Variants in CCSER1 observed in about 807,000 individuals in gnomAD.
CCSER1 encodes coiled-coil serine rich protein 1.
CCSER1 carries 41 observed loss-of-function variants against 82.0 expected under a neutral mutation model. The observed-to-expected ratio is 0.50, with a 90% confidence interval of 0.39 to 0.65. CCSER1 has a LOEUF of 0.65. Among genes scored for constraint, CCSER1 ranks in the 30% least tolerant of loss-of-function variants. The pLI is 0.00. For missense variants in CCSER1, 1,119 were observed against 1,064.2 expected, an observed-to-expected ratio of 1.05 and a Z score of -0.72; for synonymous variants, 414 against 383.9, an observed-to-expected ratio of 1.08 and a Z score of -0.92.
intron 4 of CCSER1, among the ~76,000 whole-genome samples, chr4:90,463,272 T>A (rs1763174218): frequency 6.6e-6 from 1 of 152,202 alleles, no homozygotes; most frequent in South Asian, 2.1e-4. Flanking sequence ...TTGAAAAAGA[T>A]AAACTATTAC....
At chr4:90,591,415 C>T (rs572974198) in intron 5 of CCSER1, among the ~76,000 whole-genome samples, 13 of 151,998 alleles carry the variant, frequency 8.6e-5, no homozygotes, top group African/African-American at 3.1e-4. Flanking sequence ...ATTGATGCGG[C>T]CAGCAAACAT....
At chr4:91,337,684 C>G (rs141769565) in intron 10 of CCSER1, among the ~76,000 whole-genome samples, 2 of 152,094 alleles carry the variant, frequency 1.3e-5, no homozygotes, top group Non-Finnish European at 2.9e-5. Context: ...AACATTCTCT[C>G]CTGTTCCCCA....
rs753973015 is a variant in CCSER1, at chr4:91,593,467, C to CTTTTTTTTTTTT, written c.2218-5090_2218-5079dup. Among the ~76,000 whole-genome samples, 21 of 55,044 alleles carry CTTTTTTTTTTTT rather than the reference C, an allele frequency of 3.8e-4. 1 individual carries two copies. The highest frequency in any genetic ancestry group is 6.6e-4 in the African/African-American group (9 of 13,626). The allele number at this position is 55,044 out of a possible 152,430, so 36.1% of individuals were successfully genotyped here. On this transcript the variant is annotated intron_variant, in intron 10 of 10. Coordinates refer to ENST00000509176, the MANE Select transcript of CCSER1 (RefSeq NM_001145065.2). ...TAACTGTCTTGTTTTCAACCCCGTGCTTTTTTTTTTTTTTTTTTTTTTTTT... is the reference window on the plus strand; with the variant it reads ...TAACTGTCTTGTTTTCAACCCCGTGCTTTTTTTTTTTTTTTTTTTTTTTTTTTTTTTTTTTTT...
chr4:90,316,364 G>T (rs114394884), intron 3 of CCSER1, among the ~76,000 whole-genome samples: 1 of 152,158 alleles, frequency 6.6e-6, no homozygotes, highest in Non-Finnish European at 1.5e-5. Context: ...CATCAATTTG[G>T]TGTAATGAAA....
rs116402303 is a variant in CCSER1, at chr4:91,147,350, C to T, written c.2217+61356C>T. On this transcript the variant is annotated intron_variant, in intron 10 of 10. Coordinates refer to ENST00000509176, the MANE Select transcript of CCSER1 (RefSeq NM_001145065.2). Reference sequence around the variant, plus strand: ...CCCCAGGAGCCGGCCCAGCCAGCTACGTTTTTCCACAGACTTCTCTTGCCA... The same window carrying T: ...CCCCAGGAGCCGGCCCAGCCAGCTATGTTTTTCCACAGACTTCTCTTGCCA... Among the ~76,000 whole-genome samples, 331 of 152,326 alleles carry T rather than the reference C, an allele frequency of 2.2e-3. 4 individuals carry two copies. Among genetic ancestry groups the T allele is most frequent in the African/African-American group, 6.8e-3 (283 of 41,586 alleles).
At chr4:91,128,060 T>TCC (rs1727668099) in intron 10 of CCSER1, among the ~76,000 whole-genome samples, 2 of 151,966 alleles carry the variant, frequency 1.3e-5, no homozygotes, top group African/African-American at 4.8e-5. Flanking sequence ...CTGCTGCTGC[T>TCC]CCCCCACATG....
At chr4:91,293,370 A>G (rs1467858298) in intron 10 of CCSER1, among the ~76,000 whole-genome samples, 1 of 152,010 alleles carries the variant, frequency 6.6e-6, no homozygotes, top group Non-Finnish European at 1.5e-5. Flanking sequence ...GTCTTTTGTT[A>G]TTATCAATGT....
chr4:90,977,008 A>G (rs949853333), intron 9 of CCSER1, among the ~76,000 whole-genome samples: 1 of 151,646 alleles, frequency 6.6e-6, no homozygotes, highest in African/African-American at 2.4e-5. Context: ...TAATAAAAAT[A>G]TAAATAGAAA....
intron 10 of CCSER1, among the ~76,000 whole-genome samples, chr4:91,286,766 A>G (rs183188749): frequency 2.6e-5 from 4 of 152,010 alleles, no homozygotes; most frequent in South Asian, 4.1e-4. Context: ...AACCATAAAT[A>G]TGTGTTCTCT....
Position 91,179,882 on chromosome 4 carries a change from C to T in CCSER1, c.2217+93888C>T, listed in dbSNP as rs189948435. Among the ~76,000 whole-genome samples the T allele has an allele frequency of 1.9e-3, 292 of 152,290 alleles. 2 individuals are homozygous for T. Among genetic ancestry groups the T allele is most frequent in the Non-Finnish European group, 2.7e-3 (183 of 68,034 alleles). On this transcript the variant is annotated intron_variant, in intron 10 of 10. Coordinates refer to ENST00000509176, the MANE Select transcript of CCSER1 (RefSeq NM_001145065.2). ...CTACATTCCTTTGGAGGAGAAGAGG[C>T]GCTCTGATTTTTAGAATTTTCAGCT...
At chr4:91,070,034 G>C (rs1005448383) in intron 9 of CCSER1, among the ~76,000 whole-genome samples, 2 of 150,764 alleles carry the variant, frequency 1.3e-5, no homozygotes, top group Non-Finnish European at 2.9e-5. Context: ...ACCCAGGCTG[G>C]AGTGCAGTGG....
At chr4:91,532,008 A>G (rs531321323) in intron 10 of CCSER1, among the ~76,000 whole-genome samples, 17 of 152,306 alleles carry the variant, frequency 1.1e-4, no homozygotes, top group African/African-American at 4.1e-4. Flanking sequence ...CCACTGCTCC[A>G]GGCCTACAAA....
chr4:90,818,984 C>A (rs1007793660), intron 8 of CCSER1, among the ~76,000 whole-genome samples: 1 of 152,132 alleles, frequency 6.6e-6, no homozygotes, highest in Non-Finnish European at 1.5e-5. Flanking sequence ...AAACAAAATG[C>A]CATAGATGGG....
intron 5 of CCSER1, among the ~76,000 whole-genome samples, chr4:90,474,306 G>GA (rs1298413213): frequency 1.3e-5 from 2 of 152,222 alleles, no homozygotes; most frequent in East Asian, 3.9e-4. Context: ...TTAACTAACT[G>GA]AAAAAACAAA....
chr4:91,104,890 C>A (rs183828492), intron 10 of CCSER1, among the ~76,000 whole-genome samples: 195 of 152,188 alleles, frequency 1.3e-3, no homozygotes, highest in Non-Finnish European at 1.8e-3. Context: ...AGCCTAACAG[C>A]CTCATTTTAT....
At chr4:90,334,123 A>G (rs1739918098) in intron 3 of CCSER1, among the ~76,000 whole-genome samples, 1 of 152,320 alleles carries the variant, frequency 6.6e-6, no homozygotes, top group Non-Finnish European at 1.5e-5. Context: ...CCAAGAGAAC[A>G]GCAATTTAGA....
At chr4:90,801,844 T>A (rs544366008) in intron 7 of CCSER1, among the ~76,000 whole-genome samples, 1 of 152,354 alleles carries the variant, frequency 6.6e-6, no homozygotes, top group African/African-American at 2.4e-5. Flanking sequence ...TGTTTAGTTT[T>A]ATTTCAAAAC....
intron 10 of CCSER1, among the ~76,000 whole-genome samples, chr4:91,283,587 C>T (rs554189928): frequency 7.2e-5 from 11 of 152,088 alleles, no homozygotes; most frequent in Admixed American, 6.6e-4. Context: ...TTTTATTTTA[C>T]TTTCATGTTT....
chr4:91,227,805 G>A (rs1738323208), intron 10 of CCSER1, among the ~76,000 whole-genome samples: 1 of 151,664 alleles, frequency 6.6e-6, no homozygotes, highest in South Asian at 2.1e-4. Flanking sequence ...TACCAAATAG[G>A]GTCCATGAAA....
Sources: gnomAD v4.1 joint callset for allele counts (sites outside exome capture counted in the v4.1 genomes callset) on GRCh38, gnomAD v4.1.1 for gene constraint, MANE v1.5 for transcripts, NCBI Gene and HGNC (gene_info 2026-07-23, HGNC 2026-07-21) for gene names.